ATG7: variants seen among roughly 807,000 people sequenced by gnomAD.
ATG7 encodes ubiquitin-like modifier-activating enzyme ATG7.
In ATG7, 70 loss-of-function variants were observed where a neutral mutation model predicts 82.4. That is an observed-to-expected ratio of 0.85 (90% CI 0.70 to 1.04). The LOEUF (loss-of-function observed/expected upper bound fraction) is 1.04, where lower values mean the gene tolerates loss of function less well. ATG7 is among the 50% of genes least tolerant of loss of function. The pLI, the probability that ATG7 is intolerant of heterozygous loss-of-function variation, is 0.00. For missense variants in ATG7, 792 were observed against 864.3 expected, an observed-to-expected ratio of 0.92 and a Z score of 1.05; for synonymous variants, 287 against 313.0, an observed-to-expected ratio of 0.92 and a Z score of 0.88.
intron 20 of ATG7, among the ~76,000 whole-genome samples, chr3:11,450,940 C>G (rs1348372146): frequency 6.6e-6 from 1 of 152,190 alleles, no homozygotes; most frequent in Non-Finnish European, 1.5e-5. Flanking sequence ...CTAATTTCAT[C>G]CTCCAAGGCT....
intron 19 of ATG7, among the ~76,000 whole-genome samples, chr3:11,393,944 G>C (rs1281643991): frequency 6.6e-6 from 1 of 152,178 alleles, no homozygotes; most frequent in Non-Finnish European, 1.5e-5. Context: ...GCCTCCCAAA[G>C]TGCTGGGATT....
intron 20 of ATG7, among the ~76,000 whole-genome samples, chr3:11,550,941 G>A (rs1161288524): frequency 6.6e-6 from 1 of 151,672 alleles, no homozygotes; most frequent in African/African-American, 2.4e-5. Context: ...TTTCTCTAAC[G>A]TTTGGATTTT....
At chr3:11,445,392 T>G (rs184426270) in intron 20 of ATG7, among the ~76,000 whole-genome samples, 288 of 152,250 alleles carry the variant, frequency 1.9e-3, no homozygotes, top group African/African-American at 6.7e-3. Context: ...AGATCATGGA[T>G]GGAGCTGGAG....
At chr3:11,415,548 T>C (rs779184660) in intron 19 of ATG7, among the ~76,000 whole-genome samples, 5 of 152,214 alleles carry the variant, frequency 3.3e-5, no homozygotes, top group African/African-American at 9.6e-5. Context: ...CATTTTTTCC[T>C]TTAAAAATTT....
At position 11,276,806 on chromosome 3, in the gene ATG7, T is replaced by G. The variant is rs554031175; in HGVS notation, c.-365-4188T>G. On this transcript the variant is annotated intron_variant, in intron 1 of 20. Coordinates refer to ENST00000693202, the MANE Select transcript of ATG7 (RefSeq NM_001349232.2). ...TGCCAAGACTCTGCCCTCTACTATA[T>G]TCTTTTCAACCGCAGCTTCAAACTT... Among the ~76,000 whole-genome samples the G allele has an allele frequency of 1.6e-4, 25 of 152,290 alleles. No homozygotes were observed. In the South Asian group the frequency reaches 5.0e-3, roughly 30 times the overall value.
At chr3:11,450,333 C>T (rs900548737) in intron 20 of ATG7, among the ~76,000 whole-genome samples, 5 of 152,144 alleles carry the variant, frequency 3.3e-5, no homozygotes, top group African/African-American at 1.2e-4. Flanking sequence ...ATTCCTCTTC[C>T]CAGTGGCAGG....
intron 11 of ATG7, 41 bp downstream of exon 11, chr3:11,333,134 A>G: frequency 6.7e-7 from 1 of 1,502,630 alleles, no homozygotes; most frequent in Non-Finnish European, 8.9e-7. Context: ...ATTATCATTT[A>G]TCAGAAACGG....
chr3:11,282,736 G>T (rs897794812), intron 3 of ATG7, among the ~76,000 whole-genome samples: 5 of 152,140 alleles, frequency 3.3e-5, no homozygotes, highest in African/African-American at 1.2e-4. Flanking sequence ...GGAAGAGAAG[G>T]CTTTAAACCT....
intron 19 of ATG7, among the ~76,000 whole-genome samples, chr3:11,389,944 A>T (rs1179058266): frequency 6.6e-6 from 1 of 152,178 alleles, no homozygotes; most frequent in African/African-American, 2.4e-5. Flanking sequence ...GCCTGGGAAA[A>T]ATTTGGATTT....
At chr3:11,495,735 C>G (rs2090777289) in intron 20 of ATG7, among the ~76,000 whole-genome samples, 1 of 152,200 alleles carries the variant, frequency 6.6e-6, no homozygotes, top group Admixed American at 6.5e-5. Context: ...CCGTGGATAT[C>G]ACCAAGTTTC....
At chr3:11,564,633 C>CCAAGTGCACA in the ATG7 span, 2 of 818,672 alleles carry the variant, frequency 2.4e-6, no homozygotes, top group Non-Finnish European at 3.8e-6. Context: ...GTCCCTTGTC[C>CCAAGTGCACA]CAAGTGCACA....
chr3:11,525,851 G>A (rs927972131), intron 20 of ATG7, among the ~76,000 whole-genome samples: 1 of 151,966 alleles, frequency 6.6e-6, no homozygotes, highest in African/African-American at 2.4e-5. Context: ...ACTGCACCTC[G>A]CCAGTTATAG....
chr3:11,570,840 AACAC>A, the ATG7 span, among the ~76,000 whole-genome samples: 2 of 152,048 alleles, frequency 1.3e-5, no homozygotes, highest in Non-Finnish European at 2.9e-5. Flanking sequence ...AGCACCCCAC[AACAC>A]ACACACAGGA....
rs375560548 is a variant in ATG7, at chr3:11,554,529, C to T, written c.2080-282C>T. Among the ~76,000 whole-genome samples, 28 of 152,286 alleles carry T rather than the reference C, an allele frequency of 1.8e-4. No individual in the cohort carries two copies. In the East Asian group the frequency reaches 3.5e-3, roughly 19 times the overall value. On this transcript the variant is annotated intron_variant, in intron 20 of 20. Transcript: ENST00000693202. ...GAGCAGAGGCTGGCTGGGTCAGGGACGGTCCCCCGAGGTGGACATGCAGGA... is the reference window on the plus strand; with the variant it reads ...GAGCAGAGGCTGGCTGGGTCAGGGATGGTCCCCCGAGGTGGACATGCAGGA...
At chr3:11,561,891 C>A (rs1332947002), downstream of ATG7, among the ~76,000 whole-genome samples, 1 of 88,608 alleles carries the variant, frequency 1.1e-5, no homozygotes, top group Non-Finnish European at 2.0e-5. Flanking sequence ...CTGCGCCAAA[C>A]TTTTTTTTTT....
intron 13 of ATG7, among the ~76,000 whole-genome samples, chr3:11,347,445 T>C (rs1954727236): frequency 6.6e-6 from 1 of 152,262 alleles, no homozygotes; most frequent in Non-Finnish European, 1.5e-5. Flanking sequence ...AGTCATTTTT[T>C]GGAGGAGTTC....
At chr3:11,462,209 T>A (rs1306585058) in intron 20 of ATG7, among the ~76,000 whole-genome samples, 1 of 152,090 alleles carries the variant, frequency 6.6e-6, no homozygotes, top group Non-Finnish European at 1.5e-5. Context: ...GTTTAAGGAC[T>A]TCTGCTGGAG....
In ATG7 at chr3:11,315,343, G is replaced by T; in HGVS notation, c.529-1G>T. On this transcript the variant is annotated splice_acceptor_variant, in intron 8 of 20. Transcript: ENST00000693202. LOFTEE classifies it high-confidence loss of function. ...AATAACAACGTGTTTTCTGTTTTCAGATTGAAGCACTAGAGTGTGCATATG... is the reference window on the plus strand; with the variant it reads ...AATAACAACGTGTTTTCTGTTTTCATATTGAAGCACTAGAGTGTGCATATG... The T allele has an allele frequency of 4.5e-6, 7 of 1,555,132 alleles. No homozygotes were observed. The highest frequency in any genetic ancestry group is 4.3e-6 in the Non-Finnish European group (5 of 1,152,804).
At chr3:11,540,907 T>G (rs867043583) in intron 20 of ATG7, among the ~76,000 whole-genome samples, 1,180 of 34,994 alleles carry the variant, frequency 0.034, 21 homozygotes, top group African/African-American at 0.084. Flanking sequence ...TAGCTTTTTT[T>G]GGGGGGGGGA....
Sources: allele counts gnomAD v4.1 joint callset (sites outside exome capture counted in the v4.1 genomes callset), GRCh38; gene constraint gnomAD v4.1.1; transcripts MANE v1.5; gene names NCBI Gene and HGNC (gene_info 2026-07-23, HGNC 2026-07-21).